The following DPP10 variants were observed in gnomAD, a reference collection of about 807,000 sequenced individuals.
DPP10 encodes the protein dipeptidyl peptidase like 10, also known as inactive dipeptidyl peptidase 10.
DPP10 carries 33 observed loss-of-function variants against 120.9 expected under a neutral mutation model. The observed-to-expected ratio is 0.27, with a 90% CI of 0.21 to 0.37. DPP10 has a LOEUF of 0.37. DPP10 is among the 10% of genes least tolerant of loss of function. DPP10 has a pLI of 1.00. For synonymous variants in DPP10, 337 were observed against 326.1 expected (o/e 1.03, Z -0.36); for missense variants, 816 against 942.8 (o/e 0.87, Z 1.76).
At chr2:114,513,930 T>C (rs887560354) in intron 1 of DPP10, among the ~76,000 whole-genome samples, 1 of 152,226 alleles carries the variant, frequency 6.6e-6, no homozygotes, top group African/African-American at 2.4e-5. Flanking sequence ...TCCCCCCATT[T>C]ATATTTCAGT....
intron 1 of DPP10, among the ~76,000 whole-genome samples, chr2:114,793,196 G>A (rs541294064): frequency 1.3e-5 from 2 of 152,064 alleles, no homozygotes; most frequent in East Asian, 1.9e-4. Flanking sequence ...TGTGCAGAAC[G>A]TGAAGCCTTG....
chr2:115,841,676 A>C (rs1372786792), intron 25 of DPP10, among the ~76,000 whole-genome samples: 4 of 152,180 alleles, frequency 2.6e-5, no homozygotes, highest in Non-Finnish European at 4.4e-5. Flanking sequence ...TTAATGGGAT[A>C]ATATTTGTAT....
At chr2:115,295,672 A>C (rs1012052773) in intron 1 of DPP10, among the ~76,000 whole-genome samples, 1 of 152,098 alleles carries the variant, frequency 6.6e-6, no homozygotes, top group Non-Finnish European at 1.5e-5. Flanking sequence ...AAGCACATTT[A>C]GTTCCTGTTC....
intron 1 of DPP10, among the ~76,000 whole-genome samples, chr2:114,680,581 G>A (rs886891085): frequency 1.8e-4 from 28 of 151,960 alleles, no homozygotes; most frequent in African/African-American, 5.6e-4. Flanking sequence ...GAATAAAAAC[G>A]TGTTAAAAGG....
At chr2:115,533,380 AG>A (rs1020613066) in intron 5 of DPP10, among the ~76,000 whole-genome samples, 16 of 152,078 alleles carry the variant, frequency 1.1e-4, no homozygotes, top group African/African-American at 3.9e-4. Flanking sequence ...GCTCTGCAAA[AG>A]ATCAGCATTG....
chr2:115,210,354 C>A (rs997162416), intron 1 of DPP10, among the ~76,000 whole-genome samples: 10 of 152,136 alleles, frequency 6.6e-5, no homozygotes, highest in South Asian at 2.1e-4. Flanking sequence ...ATGAACTGAT[C>A]ATTTTTTATG....
At chr2:115,281,727 A>G (rs1210245061) in intron 1 of DPP10, among the ~76,000 whole-genome samples, 1 of 152,170 alleles carries the variant, frequency 6.6e-6, no homozygotes, top group African/African-American at 2.4e-5. Context: ...TCCACACAGT[A>G]AGAGCCATAG....
intron 2 of DPP10, among the ~76,000 whole-genome samples, chr2:115,335,600 G>A (rs183178586): frequency 8.5e-5 from 13 of 152,082 alleles, no homozygotes; most frequent in Non-Finnish European, 1.2e-4. Flanking sequence ...AAAATCTTAG[G>A]ATCTGCTGAC....
intron 1 of DPP10, among the ~76,000 whole-genome samples, chr2:114,750,280 G>A (rs192075392): frequency 6.6e-6 from 1 of 151,684 alleles, no homozygotes; most frequent in Admixed American, 6.6e-5. Context: ...TAAAAAACTG[G>A]TCTCACCCCA....
intron 1 of DPP10, among the ~76,000 whole-genome samples, chr2:114,693,615 A>T (rs1699898622): frequency 1.3e-5 from 2 of 151,922 alleles, no homozygotes; most frequent in African/African-American, 4.8e-5. Flanking sequence ...CTGAATTTAA[A>T]TGTTGGCCTG....
At chr2:115,165,811 AAAAC>A (rs758081886) in intron 1 of DPP10, among the ~76,000 whole-genome samples, 1 of 152,210 alleles carries the variant, frequency 6.6e-6, no homozygotes, top group Non-Finnish European at 1.5e-5. Context: ...TAACCACACA[AAAAC>A]AAAAACAACA....
intron 1 of DPP10, among the ~76,000 whole-genome samples, chr2:114,961,136 C>T (rs575791368): frequency 6.9e-6 from 1 of 145,448 alleles, no homozygotes; most frequent in East Asian, 2.1e-4. Context: ...ACCGCAACCT[C>T]CACCTCCCGG....
intron 1 of DPP10, among the ~76,000 whole-genome samples, chr2:114,991,841 CT>C (rs1410549621): frequency 1.3e-5 from 2 of 152,166 alleles, no homozygotes; most frequent in African/African-American, 4.8e-5. Flanking sequence ...ATTAAAAACA[CT>C]AAATGCTGAT....
intron 3 of DPP10, among the ~76,000 whole-genome samples, chr2:115,464,052 C>A (rs1386636968): frequency 6.6e-6 from 1 of 152,048 alleles, no homozygotes; most frequent in East Asian, 1.9e-4. Context: ...GTGACATAGG[C>A]TCTCTGAATC....
intron 1 of DPP10, among the ~76,000 whole-genome samples, chr2:115,267,093 T>C (rs1173425657): frequency 6.6e-6 from 1 of 152,196 alleles, no homozygotes; most frequent in African/African-American, 2.4e-5. Context: ...ACAGCTTTGC[T>C]CTAGAGTCTA....
At chr2:115,355,339 G>C (rs186083573) in intron 3 of DPP10, among the ~76,000 whole-genome samples, 2,962 of 151,934 alleles carry the variant, frequency 0.019, 101 homozygotes, top group African/African-American at 0.067. Context: ...TCATATGTTT[G>C]TTGGCCGTGT....
chr2:115,303,898 G>A (rs1296458154), intron 1 of DPP10, among the ~76,000 whole-genome samples: 2 of 151,956 alleles, frequency 1.3e-5, no homozygotes, highest in Non-Finnish European at 2.9e-5. Context: ...TTTCTTAGGT[G>A]TGTTGTAAGA....
intron 3 of DPP10, among the ~76,000 whole-genome samples, chr2:115,380,419 A>G (rs2066223360): frequency 6.6e-6 from 1 of 152,026 alleles, no homozygotes; most frequent in Non-Finnish European, 1.5e-5. Flanking sequence ...ATCTTCTTCC[A>G]TCCTTTGGTT....
At chr2:115,582,247 T>C (rs2082041511) in intron 5 of DPP10, among the ~76,000 whole-genome samples, 1 of 144,972 alleles carries the variant, frequency 6.9e-6, no homozygotes, top group Non-Finnish European at 1.5e-5. Context: ...TGCTGCATGC[T>C]CAGTGTGTTT....
Sources: allele counts gnomAD v4.1 joint callset (sites outside exome capture counted in the v4.1 genomes callset), GRCh38; gene constraint gnomAD v4.1.1; transcripts MANE v1.5; gene names NCBI Gene and HGNC (gene_info 2026-07-23, HGNC 2026-07-21).